Variants in MAN2B1 observed in about 807,000 individuals in gnomAD.
MAN2B1 encodes mannosidase alpha class 2B member 1.
A neutral mutation model predicts 127.5 loss-of-function variants in MAN2B1; 99 were observed. That is an observed-to-expected ratio of 0.78 (90% CI 0.66 to 0.92). The LOEUF is 0.92. Ranked by LOEUF, MAN2B1 falls within the 40% of genes least tolerant of loss-of-function variation. The probability of loss-of-function intolerance (pLI) is 0.00; values close to 1 mark genes in which losing one functional copy is unlikely to be tolerated. For missense variants in MAN2B1, 1,304 were observed against 1,384.8 expected (o/e 0.94, Z 0.93); for synonymous variants, 573 against 568.8 (o/e 1.01, Z -0.11).
Position 12,650,357 on chromosome 19 carries a change from CT to C in MAN2B1, c.2047-136del, listed in dbSNP as rs35532533. On this transcript the variant is annotated intron_variant, in intron 16 of 23. Transcript: ENST00000456935. ...AACCTTCAGTCACCGCCACATAATTCTTTTTTTTTTTTTTTTTTTGAGACGG... is the reference window on the plus strand; with the variant it reads ...AACCTTCAGTCACCGCCACATAATTCTTTTTTTTTTTTTTTTTTGAGACGG... The C allele has an allele frequency of 0.32, 155,225 of 479,632 alleles. 3,364 individuals carry two copies. The highest frequency in any genetic ancestry group is 0.35 in the Non-Finnish European group (91,908 of 265,004). 29.7% of individuals were successfully genotyped at this position (479,632 alleles called of 1,614,324 possible).
intron 8 of MAN2B1, 36 bp from the exon 9 acceptor site, chr19:12,658,380 C>T (rs1337871826): frequency 3.1e-6 from 5 of 1,614,114 alleles, no homozygotes; most frequent in Non-Finnish European, 4.2e-6. Context: ...AGGGTCATGA[C>T]CCACGGGGCA....
In MAN2B1 at chr19:12,648,274, T is replaced by A; in HGVS notation, c.2565A>T (p.Gly855=). The A allele has an allele frequency of 6.2e-7, 1 of 1,609,296 alleles. No individual in the cohort carries two copies. The change falls in exon 21 of 24, where the codon GGA becomes GGT. Residue 855 remains glycine, a synonymous_variant. Coordinates refer to ENST00000456935, the MANE Select transcript of MAN2B1 (RefSeq NM_000528.4). ...LLDTAQAAAA[G]HRLLAEQEVL... The stretch of plus-strand genomic sequence containing the variant: ...CCTCCTGCTCCGCCAGGAGCCGGTG[T>A]CCGGCGGCTGCAGCCTGGGCTGTGT...
chr19:12,652,595 A>C, intron 14 of MAN2B1, 135 bp from the exon 15 acceptor site: 1 of 694,378 alleles, frequency 1.4e-6, no homozygotes, highest in South Asian at 1.7e-5. Flanking sequence ...ACAGTGGTGC[A>C]ATCTTGGCTC....
At position 12,656,937 on chromosome 19, in the gene MAN2B1, G is replaced by A; in HGVS notation, c.1527+12C>T. On this transcript the variant is annotated intron_variant, in intron 12 of 23. Transcript: ENST00000456935. ...CATCTGCCCTAGATCCACCCCTCCC[G>A]TCCCGGCTCACGCGCGCCGCCGTCT... 3.1e-6 allele frequency: 5 copies of A among 1,607,902 alleles called. No individual in the cohort carries two copies. The highest frequency in any genetic ancestry group is 2.2e-5 in the South Asian group (2 of 90,826).
chr19:12,661,372 C>A lies in MAN2B1; in HGVS notation c.914G>T (p.Arg305Leu). 1 of 1,607,976 alleles carries A rather than the reference C, an allele frequency of 6.2e-7. No individual in the cohort carries two copies. The highest frequency in any genetic ancestry group is 8.5e-7 in the Non-Finnish European group (1 of 1,174,492). ...CACAGTGTGGTTGGTGCGGTAATAC[C>A]GGCCCTGCAGGCAAGAGGGGAGTCC... is the stretch of plus-strand genomic sequence containing the variant. ...YFLNVATAQG[R>L]YYRTNHTVMT... Residue 305 changes from arginine to leucine, a missense_variant, in exon 7 of 24, where the codon CGG becomes CTG. By Grantham distance (102) the Arg-to-Leu change is moderately radical. Coordinates refer to ENST00000456935, the MANE Select transcript of MAN2B1 (RefSeq NM_000528.4).
At chr19:12,648,488 T>C in intron 20 of MAN2B1, 86 bp from the exon 21 acceptor site, 1 of 997,630 alleles carries the variant, frequency 1.0e-6, no homozygotes, top group East Asian at 2.6e-5. Flanking sequence ...CGTGTGGGAA[T>C]GTCAAAAGAA....
In MAN2B1 at chr19:12,649,196, A is replaced by C; in HGVS notation, c.2376T>G (p.Thr792=). The C allele has an allele frequency of 3.7e-6, 6 of 1,613,370 alleles. No homozygotes were observed. The highest frequency in any genetic ancestry group is 3.4e-6 in the Non-Finnish European group (4 of 1,179,986). ...IYITDGNMQL[T]VLTDRSQGGS... is the part of the protein sequence containing the mutation. ...CCCCCTGGGAGCGGTCAGTCAGCAC[A>C]GTCAGCTGCATGTTTCCATCCTGGG... The change falls in exon 20 of 24, where the codon ACT becomes ACG. Residue 792 remains threonine, a synonymous_variant. Coordinates refer to ENST00000456935, the MANE Select transcript of MAN2B1 (RefSeq NM_000528.4).
rs2145221244 is a variant in MAN2B1, at chr19:12,647,464, G to A, written c.2799C>T (p.Ala933=). The A allele has an allele frequency of 1.9e-6, 3 of 1,614,214 alleles. No homozygotes were observed. Among genetic ancestry groups the A allele is most frequent in the Non-Finnish European group, 2.5e-6 (3 of 1,180,034 alleles). Reference sequence around the variant, plus strand: ...TCACCCTCAAGTTCAAGGTAACGGGGGCGCTCAGGTTACGTCCGGAATCCT... The same window carrying A: ...TCACCCTCAAGTTCAAGGTAACGGGAGCGCTCAGGTTACGTCCGGAATCCT... ...VGEDSGRNLS[A]PVTLNLRDLF... Residue 933 remains alanine (A), a synonymous_variant, in exon 22 of 24, where the codon GCC becomes GCT. Coordinates refer to ENST00000456935, the MANE Select transcript of MAN2B1 (RefSeq NM_000528.4). The surrounding 1 kb of genome is among the most constrained non-coding windows in gnomAD (Gnocchi z 4.9).
intron 18 of MAN2B1, among the ~76,000 whole-genome samples, 174 bp from the exon 19 acceptor site, chr19:12,649,602 C>T (rs1455999360): frequency 6.6e-6 from 1 of 151,418 alleles, no homozygotes; most frequent in Non-Finnish European, 1.5e-5. Context: ...CTGCCTCAGC[C>T]TCCCGAGTAG....
At chr19:12,665,562 A>C in intron 2 of MAN2B1, 37 bp from the exon 3 acceptor site, 1 of 1,612,958 alleles carries the variant, frequency 6.2e-7, no homozygotes, top group South Asian at 1.1e-5. Context: ...AGGGAACAGC[A>C]GAGCCAAGGG....
chr19:12,663,834 A>G lies in MAN2B1; in HGVS notation c.632T>C (p.Met211Thr). 6.2e-7 allele frequency: 1 copy of G among 1,614,176 alleles called. No homozygotes were observed. The highest frequency in any genetic ancestry group is 8.5e-7 in the Non-Finnish European group (1 of 1,180,024). Residue 211 changes from methionine to threonine, a missense_variant and splice_region_variant, in exon 5 of 24, where the codon ATG (methionine) becomes ACG (threonine). Transcript: ENST00000456935. ...SREQASLFAQ[M>T]GFDGFFFGRL... ...CCCAAAGAAGAAGCCGTCGAAGCCC[A>G]TCTGGGGATGAGGGAGGAAAAGGCA...
Position 12,666,713 on chromosome 19 carries a change from T to C in MAN2B1, c.-12A>G. The C allele has an allele frequency of 1.3e-6, 2 of 1,547,382 alleles. No individual in the cohort carries two copies. Among genetic ancestry groups the C allele is most frequent in the Non-Finnish European group, 1.7e-6 (2 of 1,146,300 alleles). ...GCGTAGGCGCCCATGGCTCAGCAGC[T>C]TCCTCCTGGGGTTCCCCGGCCCTGG... On this transcript the variant is annotated 5_prime_UTR_variant, in exon 1 of 24. Coordinates refer to ENST00000456935, the MANE Select transcript of MAN2B1 (RefSeq NM_000528.4).
At chr19:12,649,300 T>G (rs1252938969) in intron 19 of MAN2B1, 41 bp downstream of exon 19, 2 of 1,603,906 alleles carry the variant, frequency 1.2e-6, no homozygotes, top group Non-Finnish European at 1.7e-6. Context: ...GGTGATTCCC[T>G]TTCTATCGAG....
chr19:12,647,631 G>A lies in MAN2B1; in HGVS notation c.2665-33C>T. 6.3e-7 allele frequency: 1 copy of A among 1,596,062 alleles called. No homozygotes were observed. Among genetic ancestry groups the A allele is most frequent in the Non-Finnish European group, 8.5e-7 (1 of 1,170,590 alleles). On this transcript the variant is annotated intron_variant, in intron 21 of 23. Coordinates refer to ENST00000456935, the MANE Select transcript of MAN2B1 (RefSeq NM_000528.4). This position sits in a 1 kb window ranked among gnomAD's most constrained non-coding sequence, Gnocchi z 4.9. ...AGAGAGGGCGGGGCTGAGTTGGAGA[G>A]GGGCGGGGCCTGGATGGAGAAGGGC...
At chr19:12,666,147 G>A (rs1428294488) in intron 1 of MAN2B1, among the ~76,000 whole-genome samples, 1 of 152,110 alleles carries the variant, frequency 6.6e-6, no homozygotes, top group Admixed American at 6.6e-5. Context: ...GGCTTAGAGA[G>A]GATAGGTGAC....
chr19:12,656,916 T>C (rs961104758), intron 12 of MAN2B1, 33 bp downstream of exon 12: 2 of 1,545,312 alleles, frequency 1.3e-6, no homozygotes, highest in African/African-American at 2.7e-5. Context: ...AAAGCCCATC[T>C]GCCCTAGATC....
intron 7 of MAN2B1, chr19:12,659,047 C>T (rs1332069610): frequency 4.1e-5 from 8 of 195,402 alleles, no homozygotes; most frequent in Admixed American, 3.2e-4. Flanking sequence ...TTAGTAGAGA[C>T]GGAGTTTCAC....
chr19:12,646,751 AAGG>A lies in MAN2B1; in HGVS notation c.2924-22_2924-20del, dbSNP rs768694116. On this transcript the variant is annotated intron_variant, in intron 23 of 23. Transcript: ENST00000456935. ...GTGGGGCCTGGAGAGGTGCAGGGGG[AAGG>A]AGGAGTGAGGAGGTGCAGACTTCCT... 39 of 1,558,812 alleles carry A rather than the reference AAGG, an allele frequency of 2.5e-5. No individual in the cohort carries two copies. The highest frequency in any genetic ancestry group is 2.2e-5 in the East Asian group (1 of 44,572).
rs958869615 is a variant in MAN2B1 at position 12,648,361 on chromosome 19, C to A, written c.2478G>T (p.Ser826=). ...RLLKDDGRGV[S]EPLMENGSGA... ...CCGACCCGTTCTCCATTAGTGGCTC[C>A]GATACTCCGCGTCCATCGTCCTTCA... Residue 826 remains serine (S), a synonymous_variant, in exon 21 of 24, where the codon TCG becomes TCT. Coordinates refer to ENST00000456935, the MANE Select transcript of MAN2B1 (RefSeq NM_000528.4). 3 of 1,613,510 alleles carry A rather than the reference C, an allele frequency of 1.9e-6. No individual in the cohort carries two copies. The Admixed American group carries it at 5.0e-5, about 27-fold the overall frequency.
Sources: gnomAD v4.1 joint callset for allele counts (sites outside exome capture counted in the v4.1 genomes callset) on GRCh38, gnomAD v4.1.1 for gene constraint, Gnocchi (gnomAD v3.1) non-coding constraint, MANE v1.5 for transcripts, NCBI Gene and HGNC (gene_info 2026-07-23, HGNC 2026-07-21) for gene names.